The following XKR4 variants were observed in gnomAD, a reference collection of about 807,000 sequenced individuals.
XKR4 encodes the protein XK-related protein 4.
Under a neutral mutation model 53.9 loss-of-function variants are expected in XKR4, and 12 were observed. That is an observed-to-expected ratio of 0.22 (90% CI 0.14 to 0.36). The LOEUF (loss-of-function observed/expected upper bound fraction) is 0.36. XKR4 is among the 10% of genes least tolerant of loss of function. The pLI is 1.00. For synonymous variants in XKR4, 354 were observed against 362.4 expected, an observed-to-expected ratio of 0.98 and a Z score of 0.26; for missense variants, 799 against 859.5, an observed-to-expected ratio of 0.93 and a Z score of 0.88.
At chr8:55,458,132 CA>C (rs895702784) in intron 2 of XKR4, among the ~76,000 whole-genome samples, 12 of 151,328 alleles carry the variant, frequency 7.9e-5, no homozygotes, top group African/African-American at 2.2e-4. Flanking sequence ...CAAGCCAATC[CA>C]AAAAAAAATT....
rs2129407607 is a variant in XKR4, at chr8:55,539,223, A to T, written c.*14996A>T. 1 of 152,344 alleles carries T rather than the reference A, an allele frequency of 6.6e-6. No individual in the cohort carries two copies. Among genetic ancestry groups the T allele is most frequent in the East Asian group, 1.9e-4 (1 of 5,184 alleles). 9.4% of individuals were successfully genotyped at this position (152,344 alleles called of 1,614,324 possible). A position where few individuals can be genotyped will look rare whatever the true frequency, so the allele number is the denominator to read the frequency against. On this transcript the variant is annotated 3_prime_UTR_variant, in exon 3 of 3. Coordinates refer to ENST00000327381, the MANE Select transcript of XKR4 (RefSeq NM_052898.2). Reference sequence around the variant, plus strand: ...CATGATATAGGAATACATTCATAAAACTAGACTAGCAAAGCAGATAATGTT... The same window carrying T: ...CATGATATAGGAATACATTCATAAATCTAGACTAGCAAAGCAGATAATGTT...
chr8:55,502,218 G>A (rs1045592115), intron 2 of XKR4, among the ~76,000 whole-genome samples: 1 of 152,036 alleles, frequency 6.6e-6, no homozygotes, highest in Admixed American at 6.6e-5. Context: ...TGGGCAAAGA[G>A]GGCTGACTAT....
chr8:55,296,111 G>T (rs1819097212), intron 1 of XKR4, among the ~76,000 whole-genome samples: 1 of 152,124 alleles, frequency 6.6e-6, no homozygotes, highest in Non-Finnish European at 1.5e-5. Context: ...ACATTTTGTT[G>T]CTCTAACATC....
chr8:55,128,082 T>C (rs1816498659), intron 1 of XKR4, among the ~76,000 whole-genome samples: 1 of 152,160 alleles, frequency 6.6e-6, no homozygotes, highest in South Asian at 2.1e-4. Context: ...TTATAATCCC[T>C]TGGGTATATA....
Position 55,500,402 on chromosome 8 carries a change from T to A in XKR4, c.1007-22879T>A, listed in dbSNP as rs566364832. ...GAGATTGTCATCAAAGATAGGTGAATGTCATTATGATGCTTATTTTACCAC... is the reference window on the plus strand; with the variant it reads ...GAGATTGTCATCAAAGATAGGTGAAAGTCATTATGATGCTTATTTTACCAC... On this transcript the variant is annotated intron_variant, in intron 2 of 2. Coordinates refer to ENST00000327381, the MANE Select transcript of XKR4 (RefSeq NM_052898.2). Among the ~76,000 whole-genome samples, 23 of 152,290 alleles carry A rather than the reference T, an allele frequency of 1.5e-4. No individual in the cohort carries two copies. In the East Asian group the frequency reaches 4.4e-3, roughly 29 times the overall value.
chr8:55,461,021 C>T (rs1585586723), intron 2 of XKR4, among the ~76,000 whole-genome samples: 1 of 152,346 alleles, frequency 6.6e-6, no homozygotes, highest in South Asian at 2.1e-4. Flanking sequence ...CTCAAGGAGG[C>T]CTGCCTCTGT....
At chr8:55,463,276 T>C (rs1479569041) in intron 2 of XKR4, among the ~76,000 whole-genome samples, 1 of 152,082 alleles carries the variant, frequency 6.6e-6, no homozygotes, top group East Asian at 1.9e-4. Flanking sequence ...ACCAACTGTC[T>C]CTCAGACCAT....
intron 1 of XKR4, among the ~76,000 whole-genome samples, chr8:55,316,165 C>T (rs1013663753): frequency 3.9e-5 from 6 of 152,174 alleles, no homozygotes; most frequent in Admixed American, 6.5e-5. Context: ...TGACAGCTCA[C>T]GCTAATAATT....
chr8:55,289,697 GAA>G (rs1209274885), intron 1 of XKR4, among the ~76,000 whole-genome samples: 2 of 109,412 alleles, frequency 1.8e-5, no homozygotes, highest in Non-Finnish European at 4.0e-5. Flanking sequence ...GAAAGAAAGA[GAA>G]AGAAAGAAAG....
chr8:55,452,536 A>G (rs1237309477), intron 2 of XKR4: 2 of 681,676 alleles, frequency 2.9e-6, no homozygotes, highest in Admixed American at 4.1e-5. Flanking sequence ...TGCAGCCTCA[A>G]TAGCTTGGGT....
chr8:55,164,301 G>T (rs1298988849), intron 1 of XKR4: 2 of 455,518 alleles, frequency 4.4e-6, no homozygotes, highest in African/African-American at 4.0e-5. Context: ...TAGTGGGCAG[G>T]ATGCTGTCAG....
intron 2 of XKR4, among the ~76,000 whole-genome samples, chr8:55,389,594 C>CCATCCACGTG (rs2129388462): frequency 6.6e-6 from 1 of 152,264 alleles, no homozygotes. Flanking sequence ...AGAAGGAATA[C>CCATCCACGTG]AGATATACCA....
intron 1 of XKR4, among the ~76,000 whole-genome samples, chr8:55,121,773 G>A (rs1816393815): frequency 6.9e-6 from 1 of 145,122 alleles, no homozygotes; most frequent in Non-Finnish European, 1.5e-5. Context: ...CTTTACAAAT[G>A]TAATTATGAG....
intron 2 of XKR4, among the ~76,000 whole-genome samples, chr8:55,497,869 C>G (rs1280642919): frequency 6.6e-6 from 1 of 152,090 alleles, no homozygotes; most frequent in East Asian, 1.9e-4. Flanking sequence ...CACCTCACAC[C>G]GAGTGAACCC....
intron 1 of XKR4, among the ~76,000 whole-genome samples, chr8:55,133,292 A>G (rs888534561): frequency 6.6e-6 from 1 of 152,224 alleles, no homozygotes; most frequent in Non-Finnish European, 1.5e-5. Flanking sequence ...TCTGGCTAAA[A>G]ACTGCTGGGC....
intron 2 of XKR4, among the ~76,000 whole-genome samples, chr8:55,475,818 A>C (rs564511886): frequency 5.9e-5 from 9 of 151,756 alleles, no homozygotes; most frequent in Non-Finnish European, 1.2e-4. Context: ...GGCCAGGCTG[A>C]TCTTGAACTC....
At chr8:55,382,698 C>T (rs1007841604) in intron 2 of XKR4, among the ~76,000 whole-genome samples, 2 of 152,122 alleles carry the variant, frequency 1.3e-5, no homozygotes, top group African/African-American at 4.8e-5. Context: ...CCAAATAATA[C>T]CAAGCTTTAT....
intron 2 of XKR4, among the ~76,000 whole-genome samples, chr8:55,483,243 C>G (rs1234643527): frequency 1.3e-5 from 2 of 152,280 alleles, no homozygotes; most frequent in African/African-American, 2.4e-5. Flanking sequence ...ATAATTTCAA[C>G]TACAAACTTT....
chr8:55,157,377 C>G (rs775008166), intron 1 of XKR4, among the ~76,000 whole-genome samples: 4 of 152,046 alleles, frequency 2.6e-5, no homozygotes, highest in Admixed American at 2.0e-4. Flanking sequence ...CACTAGATAA[C>G]ATGATAAGAG....
Sources: gnomAD v4.1 joint callset for allele counts (sites outside exome capture counted in the v4.1 genomes callset) on GRCh38, gnomAD v4.1.1 for gene constraint, MANE v1.5 for transcripts, NCBI Gene and HGNC (gene_info 2026-07-23, HGNC 2026-07-21) for gene names.